Variants in DPYD observed in about 807,000 individuals in gnomAD.
DPYD encodes dihydropyrimidine dehydrogenase.
A neutral mutation model predicts 116.2 loss-of-function variants in DPYD; 109 were observed. That is an observed-to-expected ratio of 0.94 (90% confidence interval 0.80 to 1.10). DPYD has a LOEUF of 1.10. Ranked by LOEUF, DPYD falls within the 50% of genes least tolerant of loss-of-function variation. DPYD has a pLI of 0.00. For synonymous variants in DPYD, 440 were observed against 432.0 expected (o/e 1.02, Z -0.23); for missense variants, 1,302 against 1,254.5 (o/e 1.04, Z -0.57).
intron 20 of DPYD, among the ~76,000 whole-genome samples, chr1:97,171,460 C>A (rs1656720780): frequency 6.6e-6 from 1 of 152,154 alleles, no homozygotes; most frequent in East Asian, 1.9e-4. Flanking sequence ...AACAATGATT[C>A]TCTCTGGACA....
intron 8 of DPYD, among the ~76,000 whole-genome samples, chr1:97,618,047 A>T (rs2100763484): frequency 6.6e-6 from 1 of 152,300 alleles, no homozygotes; most frequent in Non-Finnish European, 1.5e-5. Context: ...AAGTATGTAG[A>T]GAAATAATTT....
chr1:97,720,074 T>C (rs1557906383), intron 5 of DPYD: 1 of 984,926 alleles, frequency 1.0e-6, no homozygotes, highest in Non-Finnish European at 1.2e-6. Context: ...AGAGGGACAG[T>C]GTTCCCAGAG....
At chr1:97,409,862 G>C (rs967807072) in intron 14 of DPYD, among the ~76,000 whole-genome samples, 2 of 152,104 alleles carry the variant, frequency 1.3e-5, no homozygotes, top group Admixed American at 1.3e-4. Context: ...CGGATCACCT[G>C]AAGTCAGGAG....
chr1:97,766,925 C>T (rs551344626), intron 3 of DPYD, among the ~76,000 whole-genome samples: 2 of 152,170 alleles, frequency 1.3e-5, no homozygotes, highest in South Asian at 4.1e-4. Context: ...AAGTGATAGA[C>T]TACGAAGGTC....
chr1:97,509,168 T>C (rs1446719615), intron 13 of DPYD, among the ~76,000 whole-genome samples: 1 of 151,950 alleles, frequency 6.6e-6, no homozygotes, highest in East Asian at 1.9e-4. Flanking sequence ...TGCCAAACTG[T>C]CGAAACAAGA....
chr1:97,688,902 A>G (rs1376742887), intron 7 of DPYD, among the ~76,000 whole-genome samples: 3 of 151,968 alleles, frequency 2.0e-5, no homozygotes, highest in Non-Finnish European at 4.4e-5. Context: ...TTCAACATAT[A>G]AACTCAACGT....
intron 21 of DPYD, among the ~76,000 whole-genome samples, chr1:97,090,425 G>A (rs973948462): frequency 6.6e-6 from 1 of 152,132 alleles, no homozygotes; most frequent in Non-Finnish European, 1.5e-5. Flanking sequence ...AGCACAGAGG[G>A]TTATTGTGAG....
intron 10 of DPYD, among the ~76,000 whole-genome samples, chr1:97,589,449 TCTC>T (rs1484094866): frequency 1.3e-5 from 2 of 152,156 alleles, no homozygotes; most frequent in Admixed American, 6.5e-5. Context: ...GCTCAGCACT[TCTC>T]CTTCCTGCCA....
chr1:97,300,172 A>AT (rs1429378795), intron 18 of DPYD, among the ~76,000 whole-genome samples: 2 of 152,092 alleles, frequency 1.3e-5, no homozygotes, highest in Non-Finnish European at 2.9e-5. Context: ...AACAGGCCAG[A>AT]TTTTTTGCAT....
chr1:97,383,866 G>T (rs994710943), intron 14 of DPYD, among the ~76,000 whole-genome samples: 4 of 152,134 alleles, frequency 2.6e-5, no homozygotes, highest in African/African-American at 9.7e-5. Flanking sequence ...CCAGCACTTT[G>T]GGAGGCCAAA....
intron 7 of DPYD, among the ~76,000 whole-genome samples, chr1:97,685,566 T>C (rs1382771760): frequency 6.6e-6 from 1 of 152,176 alleles, no homozygotes; most frequent in East Asian, 1.9e-4. Flanking sequence ...TGTTTGCAGA[T>C]GACATGATCC....
At chr1:97,377,122 G>A (rs932476174) in intron 15 of DPYD, among the ~76,000 whole-genome samples, 1 of 151,834 alleles carries the variant, frequency 6.6e-6, no homozygotes, top group East Asian at 1.9e-4. Context: ...CAGAGTTGTT[G>A]TTGTAAGGCA....
intron 3 of DPYD, among the ~76,000 whole-genome samples, chr1:97,823,002 G>A (rs1669038322): frequency 6.6e-6 from 1 of 152,114 alleles, no homozygotes; most frequent in Non-Finnish European, 1.5e-5. Flanking sequence ...TTTAAAATAA[G>A]TTTGTTTTTA....
intron 20 of DPYD, among the ~76,000 whole-genome samples, chr1:97,146,500 C>T (rs1654643123): frequency 6.6e-6 from 1 of 152,162 alleles, no homozygotes; most frequent in South Asian, 2.1e-4. Context: ...TGGGCAGTCT[C>T]TATGAAACAT....
At chr1:97,323,130 T>C (rs1311847211) in intron 16 of DPYD, among the ~76,000 whole-genome samples, 1 of 150,328 alleles carries the variant, frequency 6.7e-6, no homozygotes, top group Non-Finnish European at 1.5e-5. Context: ...TATATGTGTG[T>C]GTGTTTATGT....
intron 13 of DPYD, among the ~76,000 whole-genome samples, chr1:97,450,930 C>G (rs140755318): frequency 5.3e-5 from 8 of 151,922 alleles, no homozygotes; most frequent in Non-Finnish European, 8.8e-5. Flanking sequence ...GCTGTATTAA[C>G]GAAGAAGAAT....
chr1:97,907,655 C>T (rs1284019204), intron 1 of DPYD, among the ~76,000 whole-genome samples: 2 of 151,982 alleles, frequency 1.3e-5, no homozygotes, highest in African/African-American at 2.4e-5. Context: ...CTCATTTATT[C>T]CTAATATCAA....
At chr1:97,161,959 T>A (rs1655942266) in intron 20 of DPYD, among the ~76,000 whole-genome samples, 1 of 152,074 alleles carries the variant, frequency 6.6e-6, no homozygotes, top group South Asian at 2.1e-4. Context: ...ATTTTTTTAA[T>A]CCAGTCTATC....
chr1:97,849,666 T>A (rs1670478462), intron 2 of DPYD, among the ~76,000 whole-genome samples: 3 of 152,204 alleles, frequency 2.0e-5, no homozygotes, highest in Non-Finnish European at 4.4e-5. Context: ...TTATCTTTCA[T>A]AATTTTCAAA....
Sources: allele counts gnomAD v4.1 joint callset (sites outside exome capture counted in the v4.1 genomes callset), GRCh38; gene constraint gnomAD v4.1.1; transcripts MANE v1.5; gene names NCBI Gene and HGNC (gene_info 2026-07-23, HGNC 2026-07-21).